The following CREBBP variants were observed in gnomAD, a reference collection of about 807,000 sequenced individuals.
CREBBP encodes the protein CREB binding lysine acetyltransferase.
CREBBP carries 19 observed loss-of-function variants against 265.0 expected under a neutral mutation model. The observed-to-expected ratio is 0.07, with a 90% CI of 0.05 to 0.11. The LOEUF is 0.11. Among genes scored for constraint, CREBBP ranks in the 10% least tolerant of loss-of-function variants. The pLI is 1.00. For missense variants in CREBBP, 2,525 were observed against 3,219.0 expected (o/e 0.78, Z 5.22); for synonymous variants, 1,457 against 1,223.7 (o/e 1.19, Z -3.98).
chr16:3,772,394 G>C (rs910477905), intron 13 of CREBBP, among the ~76,000 whole-genome samples: 1 of 151,448 alleles, frequency 6.6e-6, no homozygotes. Flanking sequence ...AACTGTTTCA[G>C]TGCAGTGGTT....
intron 2 of CREBBP, among the ~76,000 whole-genome samples, chr16:3,843,099 GA>G (rs1342745325): frequency 6.6e-6 from 1 of 151,812 alleles, no homozygotes; most frequent in Non-Finnish European, 1.5e-5. Context: ...TAGATGAAAA[GA>G]ATTTTCTACT....
At chr16:3,740,807 G>C in intron 23 of CREBBP, 1 of 524,278 alleles carries the variant, frequency 1.9e-6, no homozygotes, top group Non-Finnish European at 3.5e-6. Flanking sequence ...TAACAGTATG[G>C]GGCAGAAGAC....
rs969407052 is a variant in CREBBP at position 3,793,513 on chromosome 16, A to G, written c.1089T>C (p.His363=). ...LIQQQLVLLL[H]AHKCQRREQA... ...GCTCTCGTCTCTGACACTTATGAGC[A>G]TGAAGCAGTAGAACCAGCTGCTGCT... is the stretch of plus-strand genomic sequence containing the variant. The change falls in exon 4 of 31, where the codon CAT becomes CAC. Residue 363 remains histidine, a synonymous_variant. Transcript: ENST00000262367. 8.1e-6 allele frequency: 13 copies of G among 1,614,114 alleles called. No homozygotes were observed. The highest frequency in any genetic ancestry group is 1.7e-5 in the Admixed American group (1 of 60,008).
intron 13 of CREBBP, among the ~76,000 whole-genome samples, chr16:3,772,447 A>G (rs186723070): frequency 2.6e-5 from 4 of 152,200 alleles, no homozygotes; most frequent in Non-Finnish European, 5.9e-5. Flanking sequence ...GAACATTTTA[A>G]AAATGATTCT....
chr16:3,828,370 G>C (rs913787350), intron 2 of CREBBP, among the ~76,000 whole-genome samples: 1 of 152,208 alleles, frequency 6.6e-6, no homozygotes, highest in Non-Finnish European at 1.5e-5. Flanking sequence ...GGGATTACAA[G>C]CGTGAGCCAC....
intron 1 of CREBBP, among the ~76,000 whole-genome samples, chr16:3,870,948 G>C (rs1185763378): frequency 6.6e-6 from 1 of 151,568 alleles, no homozygotes; most frequent in Non-Finnish European, 1.5e-5. Flanking sequence ...TGAAGGATGG[G>C]AGTTCAAGAC....
intron 28 of CREBBP, among the ~76,000 whole-genome samples, chr16:3,734,832 C>T (rs927886177): frequency 1.8e-4 from 28 of 152,312 alleles, no homozygotes; most frequent in African/African-American, 5.5e-4. Context: ...ACAGCCCATC[C>T]GGCACCCACC....
rs764678498 is a variant in CREBBP at position 3,782,727 on chromosome 16, T to C, written c.1530A>G (p.Ala510=). The part of the protein sequence containing the change: ...LQPQVPGQQP[A]QPQTHQQMRT... The stretch of plus-strand genomic sequence containing the variant: ...TCATCTGCTGGTGGGTTTGAGGCTG[T>C]GCTGGTTGCTGGCCAGGAACCTGAG... Residue 510 remains alanine (A), a synonymous_variant, in exon 6 of 31, where the codon GCA becomes GCG. Coordinates refer to ENST00000262367, the MANE Select transcript of CREBBP (RefSeq NM_004380.3). 6.2e-6 allele frequency: 10 copies of C among 1,614,074 alleles called. No homozygotes were observed. The African/African-American group carries it at 1.1e-4, about 17-fold the overall frequency.
Position 3,725,786 on chromosome 16 carries a change from T to C in CREBBP, c.*1932A>G, listed in dbSNP as rs897039101. 2 of 233,166 alleles carry C rather than the reference T, an allele frequency of 8.6e-6. No individual in the cohort carries two copies. Among genetic ancestry groups the C allele is most frequent in the East Asian group, 1.2e-4 (2 of 16,586 alleles). The allele number at this position is 233,166 out of a possible 1,614,324, so 14.4% of individuals were successfully genotyped here. Reference sequence around the variant, plus strand: ...CAGCTATTTAAAACCTATCTGTGAATGTAAGGGCCCAAACGGAAGCTATTT... The same window carrying C: ...CAGCTATTTAAAACCTATCTGTGAACGTAAGGGCCCAAACGGAAGCTATTT... On this transcript the variant is annotated 3_prime_UTR_variant, in exon 31 of 31. Transcript: ENST00000262367.
At chr16:3,855,425 C>T (rs1050624759) in intron 1 of CREBBP, among the ~76,000 whole-genome samples, 2 of 152,112 alleles carry the variant, frequency 1.3e-5, no homozygotes, top group African/African-American at 4.8e-5. Flanking sequence ...CCACCGCACC[C>T]GGCTAACGTT....
At chr16:3,779,428 C>T (rs563136080) in intron 8 of CREBBP, among the ~76,000 whole-genome samples, 13 of 152,192 alleles carry the variant, frequency 8.5e-5, no homozygotes, top group Non-Finnish European at 1.8e-4. Flanking sequence ...CCCACCTCAG[C>T]CTCCCAAAGC....
rs1303466917 is a variant in CREBBP, at chr16:3,737,626, C to A, written c.4395-811G>T. Among the ~76,000 whole-genome samples the A allele has an allele frequency of 2.6e-5, 4 of 151,800 alleles. No individual in the cohort carries two copies. In the East Asian group the frequency reaches 7.8e-4, roughly 29 times the overall value. ...GCTAGGCACCCGCCACCACGCCTGGCTCATTTTTTGTATTTTTAGTACAGA... is the reference window on the plus strand; with the variant it reads ...GCTAGGCACCCGCCACCACGCCTGGATCATTTTTTGTATTTTTAGTACAGA... On this transcript the variant is annotated intron_variant, in intron 26 of 30. Transcript: ENST00000262367.
chr16:3,728,387 G>A lies in CREBBP; in HGVS notation c.6660C>T (p.Gly2220=), dbSNP rs1422227952. ...QQQQQQQGSA[G]MAGGMAGHGQ... ...CGTGCCCCGCCATGCCCCCAGCCATGCCGGCACTCCCTTGCTGCTGCTGCT... is the reference window on the plus strand; with the variant it reads ...CGTGCCCCGCCATGCCCCCAGCCATACCGGCACTCCCTTGCTGCTGCTGCT... The change falls in exon 31 of 31, where the codon GGC becomes GGT. Residue 2220 remains glycine (G), a synonymous_variant. Transcript: ENST00000262367. This position sits in a 1 kb window ranked among gnomAD's most constrained non-coding sequence, Gnocchi z 8.7. The A allele has an allele frequency of 1.9e-6, 3 of 1,613,650 alleles. No individual in the cohort carries two copies. Among genetic ancestry groups the A allele is most frequent in the Non-Finnish European group, 2.5e-6 (3 of 1,179,802 alleles).
intron 1 of CREBBP, among the ~76,000 whole-genome samples, chr16:3,874,582 G>A (rs2055362482): frequency 1.3e-5 from 2 of 152,218 alleles, no homozygotes; most frequent in African/African-American, 2.4e-5. Flanking sequence ...GGCTCAGAAA[G>A]CCAAATGCGT....
intron 1 of CREBBP, among the ~76,000 whole-genome samples, chr16:3,878,649 G>A (rs561397152): frequency 6.6e-6 from 1 of 152,158 alleles, no homozygotes; most frequent in Non-Finnish European, 1.5e-5. Context: ...TTGAACAGCT[G>A]TGTCTAGTGC....
At chr16:3,760,391 G>GTTTTTTTT (rs35861892) in intron 16 of CREBBP, among the ~76,000 whole-genome samples, 15 of 75,910 alleles carry the variant, frequency 2.0e-4, no homozygotes, top group Non-Finnish European at 3.2e-4. Context: ...TCATGCCCAG[G>GTTTTTTTT]TTTTTTTTTT....
At chr16:3,865,391 G>T (rs997577343) in intron 1 of CREBBP, among the ~76,000 whole-genome samples, 4 of 152,208 alleles carry the variant, frequency 2.6e-5, no homozygotes, top group Non-Finnish European at 5.9e-5. Context: ...ACAACTGTAA[G>T]AAGACAATAA....
chr16:3,849,549 T>C (rs1397944439), intron 2 of CREBBP, among the ~76,000 whole-genome samples: 28 of 139,298 alleles, frequency 2.0e-4, no homozygotes, highest in African/African-American at 7.3e-4. Context: ...TTTTTTTTTT[T>C]TCCAAGAGAC....
intron 18 of CREBBP, 87 bp downstream of exon 18, chr16:3,757,722 A>G (rs2077308825): frequency 3.2e-6 from 5 of 1,566,638 alleles, no homozygotes; most frequent in Non-Finnish European, 4.3e-6. Context: ...CACTCCCAGT[A>G]TACAGGCGTG....
Sources: gnomAD v4.1 joint callset for allele counts (sites outside exome capture counted in the v4.1 genomes callset) on GRCh38, gnomAD v4.1.1 for gene constraint, Gnocchi (gnomAD v3.1) non-coding constraint, MANE v1.5 for transcripts, NCBI Gene and HGNC (gene_info 2026-07-23, HGNC 2026-07-21) for gene names.